Variants in WDR17 observed in about 807,000 individuals in gnomAD.
The protein encoded by WDR17 is WD repeat-containing protein 17.
Under a neutral mutation model 161.7 loss-of-function variants are expected in WDR17, and 143 were observed. That is an observed-to-expected ratio of 0.88 (90% CI 0.77 to 1.02). The LOEUF (loss-of-function observed/expected upper bound fraction) is 1.02. Ranked by LOEUF, WDR17 falls within the 50% of genes least tolerant of loss-of-function variation. The pLI is 0.00. For missense variants in WDR17, 1,469 were observed against 1,520.9 expected, an observed-to-expected ratio of 0.97 and a Z score of 0.57; for synonymous variants, 517 against 515.6, an observed-to-expected ratio of 1.00 and a Z score of -0.04.
At chr4:176,150,656 G>T in intron 16 of WDR17, 63 bp downstream of exon 16, 1 of 1,469,714 alleles carries the variant, frequency 6.8e-7, no homozygotes, top group Non-Finnish European at 9.1e-7. Flanking sequence ...CTATTAAAAT[G>T]TAAAAATGAT....
chr4:176,098,284 G>T (rs1737222018), intron 1 of WDR17: 1 of 152,638 alleles, frequency 6.6e-6, no homozygotes, highest in Non-Finnish European at 1.5e-5. Flanking sequence ...GGGCCAAAAA[G>T]ACTGTATTTT....
intron 2 of WDR17, among the ~76,000 whole-genome samples, chr4:176,114,955 G>A (rs1740363127): frequency 6.6e-6 from 1 of 151,768 alleles, no homozygotes; most frequent in South Asian, 2.1e-4. Context: ...TGAACAGGGA[G>A]GAACATGATT....
In WDR17 at chr4:176,151,890, C is replaced by A; in HGVS notation, c.2383C>A (p.Leu795Met). The A allele has an allele frequency of 6.2e-7, 1 of 1,613,314 alleles. No individual in the cohort carries two copies. The highest frequency in any genetic ancestry group is 8.5e-7 in the Non-Finnish European group (1 of 1,179,734). ...GIGVPAKEER[L>M]KEAAEIHLRL... ...TGGTGTACCTGCTAAAGAGGAAAGACTGAAGGAAGCTGCTGAAATCCACTT... is the reference window on the plus strand; with the variant it reads ...TGGTGTACCTGCTAAAGAGGAAAGAATGAAGGAAGCTGCTGAAATCCACTT... The change falls in exon 17 of 29, where the codon CTG becomes ATG. Residue 795 changes from leucine (L) to methionine (M), a missense_variant. Leu to Met is a conservative substitution (Grantham distance 15). Transcript: ENST00000508596.
intron 17 of WDR17, among the ~76,000 whole-genome samples, chr4:176,155,543 G>GTTTTTT (rs1747934719): frequency 9.7e-6 from 1 of 103,572 alleles, no homozygotes; most frequent in African/African-American, 3.4e-5. Context: ...TTATTTGTTT[G>GTTTTTT]TGTTTTTTTT....
At position 176,151,713 on chromosome 4, in the gene WDR17, G is replaced by A. The variant is rs867340766; in HGVS notation, c.2305-99G>A. The A allele has an allele frequency of 4.0e-5, 43 of 1,068,944 alleles. 1 individual carries two copies. The Middle Eastern group carries it at 6.7e-4, about 17-fold the overall frequency. The allele number at this position is 1,068,944 out of a possible 1,614,324, so 66.2% of individuals were successfully genotyped here. A position where few individuals can be genotyped will look rare whatever the true frequency, so the allele number is the denominator to read the frequency against. ...TGTGTGTTAGGAACATTTCAATTCC[G>A]CTCTATTAGTTATTTCAAAATATGC... is the stretch of plus-strand genomic sequence containing the variant. On this transcript the variant is annotated intron_variant, in intron 16 of 28. Coordinates refer to ENST00000508596, the MANE Select transcript of WDR17 (RefSeq NM_181265.4).
At chr4:176,122,641 A>T (rs917231567) in intron 4 of WDR17, among the ~76,000 whole-genome samples, 14 of 152,168 alleles carry the variant, frequency 9.2e-5, no homozygotes, top group African/African-American at 3.1e-4. Flanking sequence ...CTTACTTTTC[A>T]TGAGTTGTTA....
chr4:176,070,290 G>A (rs1259590482), intron 1 of WDR17, among the ~76,000 whole-genome samples: 1 of 152,104 alleles, frequency 6.6e-6, no homozygotes, highest in African/African-American at 2.4e-5. Context: ...TGTTTAGGGG[G>A]AATTTTATGT....
intron 6 of WDR17, among the ~76,000 whole-genome samples, chr4:176,130,540 CG>C (rs1484837463): frequency 6.6e-6 from 1 of 151,926 alleles, no homozygotes; most frequent in Non-Finnish European, 1.5e-5. Flanking sequence ...GTCAGGAGAT[CG>C]AGACCATCCT....
chr4:176,112,850 A>C (rs1739993956), intron 2 of WDR17, among the ~76,000 whole-genome samples: 1 of 152,136 alleles, frequency 6.6e-6, no homozygotes, highest in Admixed American at 6.6e-5. Flanking sequence ...TTCAAACTCC[A>C]ACTTATTTTA....
At chr4:176,103,583 T>TA (rs1738178323) in intron 1 of WDR17, among the ~76,000 whole-genome samples, 1 of 151,402 alleles carries the variant, frequency 6.6e-6, no homozygotes, top group African/African-American at 2.4e-5. Flanking sequence ...AAAATAGAAA[T>TA]AATAGAGATA....
chr4:176,126,345 C>CAGAG (rs67032682), intron 5 of WDR17, among the ~76,000 whole-genome samples: 1 of 151,922 alleles, frequency 6.6e-6, no homozygotes, highest in Non-Finnish European at 1.5e-5. Flanking sequence ...TGATTGTGTT[C>CAGAG]AGAGAGAGAG....
intron 1 of WDR17, among the ~76,000 whole-genome samples, chr4:176,068,954 A>G (rs1297720901): frequency 6.6e-6 from 1 of 152,216 alleles, no homozygotes; most frequent in Admixed American, 6.5e-5. Flanking sequence ...CTTTGGTAAT[A>G]AAAATTGGTA....
At chr4:176,170,015 A>AT (rs1750475743) in intron 23 of WDR17, among the ~76,000 whole-genome samples, 1 of 152,202 alleles carries the variant, frequency 6.6e-6, no homozygotes, top group Non-Finnish European at 1.5e-5. Flanking sequence ...TAGTGTTTGA[A>AT]TGTACACTAA....
In WDR17 at chr4:176,177,148, CA is replaced by C. The variant is rs750848204; in HGVS notation, c.3541del (p.Thr1181ProfsTer5). Reference sequence around the variant, plus strand: ...ATGCATGGAGAGCTTGCACACAGTCCACCAACAGGTGAGCAAATATGATATA... The same window carrying C: ...ATGCATGGAGAGCTTGCACACAGTCCCCAACAGGTGAGCAAATATGATATA... ...LDAWRACTQS[T>X]NRSLEDSPYT... On this transcript the variant is annotated frameshift_variant, in exon 27 of 29. Coordinates refer to ENST00000508596, the MANE Select transcript of WDR17 (RefSeq NM_181265.4). LOFTEE classifies it high-confidence loss of function. 1 of 1,612,522 alleles carries C rather than the reference CA, an allele frequency of 6.2e-7. No individual in the cohort carries two copies. Among genetic ancestry groups the C allele is most frequent in the Admixed American group, 1.7e-5 (1 of 59,836 alleles).
intron 27 of WDR17, 28 bp downstream of exon 27, chr4:176,177,184 A>T: frequency 1.9e-6 from 3 of 1,578,036 alleles, no homozygotes; most frequent in Non-Finnish European, 2.6e-6. Flanking sequence ...AAAAATTGGA[A>T]TGCAGAAGGT....
intron 12 of WDR17, among the ~76,000 whole-genome samples, chr4:176,146,517 C>T (rs1051169749): frequency 2.0e-5 from 3 of 152,214 alleles, no homozygotes; most frequent in Non-Finnish European, 4.4e-5. Flanking sequence ...TACTGCCGTA[C>T]TCATGGCAGA....
chr4:176,100,265 A>G (rs1053733831), intron 1 of WDR17, among the ~76,000 whole-genome samples: 6 of 152,070 alleles, frequency 3.9e-5, no homozygotes, highest in Admixed American at 3.9e-4. Flanking sequence ...CTTTTTAGTA[A>G]TAGGCACTCT....
intron 9 of WDR17, 144 bp downstream of exon 9, chr4:176,137,755 A>G (rs1018870445): frequency 6.1e-5 from 27 of 442,948 alleles, no homozygotes; most frequent in Non-Finnish European, 9.5e-5. Context: ...AATCCTAGAG[A>G]ATACTCACAT....
intron 22 of WDR17, among the ~76,000 whole-genome samples, chr4:176,165,380 A>T (rs1749633673): frequency 6.6e-6 from 1 of 152,064 alleles, no homozygotes; most frequent in Admixed American, 6.6e-5. Context: ...AAGGAAAAAA[A>T]AAATTTGGCA....
Sources: allele counts gnomAD v4.1 joint callset (sites outside exome capture counted in the v4.1 genomes callset), GRCh38; gene constraint gnomAD v4.1.1; transcripts MANE v1.5; gene names NCBI Gene and HGNC (gene_info 2026-07-23, HGNC 2026-07-21).